The following INO80 variants were observed in gnomAD, a reference collection of about 807,000 sequenced individuals.
INO80 encodes chromatin-remodeling ATPase INO80.
A neutral mutation model predicts 203.4 loss-of-function variants in INO80; 20 were observed. The observed-to-expected ratio is 0.10, with a 90% CI of 0.07 to 0.14. The LOEUF (loss-of-function observed/expected upper bound fraction) is 0.14, where lower values mean the gene tolerates loss of function less well. Among genes scored for constraint, INO80 ranks in the 10% least tolerant of loss-of-function variants. The pLI, the probability that INO80 is intolerant of heterozygous loss-of-function variation, is 1.00. For missense variants in INO80, 1,419 were observed against 1,914.4 expected, an observed-to-expected ratio of 0.74 and a Z score of 4.83; for synonymous variants, 726 against 685.2, an observed-to-expected ratio of 1.06 and a Z score of -0.93.
intron 14 of INO80, among the ~76,000 whole-genome samples, chr15:41,067,908 A>AATTT (rs2045248238): frequency 6.6e-6 from 1 of 152,220 alleles, no homozygotes; most frequent in African/African-American, 2.4e-5. Flanking sequence ...TGCAAACAAT[A>AATTT]AATCCTATTC....
At chr15:41,009,836 G>C (rs974366620) in intron 27 of INO80, among the ~76,000 whole-genome samples, 3 of 152,108 alleles carry the variant, frequency 2.0e-5, no homozygotes, top group Non-Finnish European at 4.4e-5. Context: ...CTGGGCTCAA[G>C]TGATTCTCCT....
chr15:41,111,419 C>G (rs1338555405), intron 1 of INO80, among the ~76,000 whole-genome samples: 1 of 152,032 alleles, frequency 6.6e-6, no homozygotes, highest in Non-Finnish European at 1.5e-5. Flanking sequence ...GCACTCCAGC[C>G]TGGCGAGAGA....
chr15:41,085,593 A>C lies in INO80; in HGVS notation c.659-10T>G. 6.2e-7 allele frequency: 1 copy of C among 1,610,378 alleles called. No homozygotes were observed. The highest frequency in any genetic ancestry group is 1.1e-5 in the South Asian group (1 of 90,972). ...ACTTTTTTCAACTTAGCTGCAAAAG[A>C]AACAGATGCAACAGGTTGCACTTCC... On this transcript the variant is annotated splice_polypyrimidine_tract_variant and intron_variant, in intron 6 of 35. Coordinates refer to ENST00000648947, the MANE Select transcript of INO80 (RefSeq NM_017553.3).
At chr15:41,090,554 C>A (rs1353227264) in intron 5 of INO80, among the ~76,000 whole-genome samples, 1 of 151,878 alleles carries the variant, frequency 6.6e-6, no homozygotes, top group Non-Finnish European at 1.5e-5. Flanking sequence ...CCAGCCTGGG[C>A]AACAGAGCGA....
At chr15:41,100,382 G>C (rs890029099) in intron 1 of INO80, among the ~76,000 whole-genome samples, 1 of 152,048 alleles carries the variant, frequency 6.6e-6, no homozygotes, top group Non-Finnish European at 1.5e-5. Flanking sequence ...CCAATGAATG[G>C]AATATTTTCA....
In INO80 at chr15:41,032,769, G is replaced by A. The variant is rs1001293618; in HGVS notation, c.2908-5033C>T. 8.5e-5 allele frequency among the ~76,000 whole-genome samples: 13 copies of A among 152,130 alleles called. No homozygotes were observed. The East Asian group carries it at 2.5e-3, about 29-fold the overall frequency. On this transcript the variant is annotated intron_variant, in intron 24 of 35. Coordinates refer to ENST00000648947, the MANE Select transcript of INO80 (RefSeq NM_017553.3). ...ATATAAAATGTTCAGGCCAGGCGTG[G>A]TAGCTCATGCCTGTAATCCCAGCAC...
At chr15:41,029,127 T>TA (rs1278000946) in intron 24 of INO80, among the ~76,000 whole-genome samples, 3 of 152,246 alleles carry the variant, frequency 2.0e-5, no homozygotes, top group African/African-American at 7.2e-5. Context: ...CAAGGCAGTC[T>TA]AATTTATACA....
chr15:41,083,374 A>C (rs571617836), intron 7 of INO80, among the ~76,000 whole-genome samples: 31 of 152,188 alleles, frequency 2.0e-4, no homozygotes, highest in African/African-American at 4.6e-4. Flanking sequence ...CAGTAGCAAA[A>C]CACCACCATA....
At chr15:40,984,416 T>C in intron 32 of INO80, 64 bp from the exon 33 acceptor site, 1 of 1,491,994 alleles carries the variant, frequency 6.7e-7, no homozygotes, top group Non-Finnish European at 9.2e-7. Flanking sequence ...AAGCGGGATT[T>C]GGGAAGAAAA....
intron 6 of INO80, among the ~76,000 whole-genome samples, chr15:41,086,312 A>G (rs2045563847): frequency 6.6e-6 from 1 of 152,096 alleles, no homozygotes; most frequent in Non-Finnish European, 1.5e-5. Context: ...TAATAAAGAT[A>G]ATAGAGAAAG....
At chr15:41,096,946 A>AG (rs1476469450) in intron 1 of INO80, among the ~76,000 whole-genome samples, 4 of 152,264 alleles carry the variant, frequency 2.6e-5, no homozygotes, top group Admixed American at 2.6e-4. Context: ...AGTAAAAGTG[A>AG]GGGTGAGAAA....
chr15:41,052,674 C>CAA lies in INO80; in HGVS notation c.2274+1253_2274+1254dup, dbSNP rs60685375. On this transcript the variant is annotated intron_variant, in intron 19 of 35. Coordinates refer to ENST00000648947, the MANE Select transcript of INO80 (RefSeq NM_017553.3). ...GGTGACAGAGCGAGCCCTTGTCTTA[C>CAA]AAAAAAAAAAAAAAAAAAAAAAAAA... Among the ~76,000 whole-genome samples, 49 of 107,208 alleles carry CAA rather than the reference C, an allele frequency of 4.6e-4. 1 individual carries two copies. The highest frequency in any genetic ancestry group is 7.7e-4 in the Non-Finnish European group (39 of 50,358). The allele number at this position is 107,208 out of a possible 152,430, so 70.3% of individuals were successfully genotyped here. A position where few individuals can be genotyped will look rare whatever the true frequency, so the allele number is the denominator to read the frequency against.
chr15:40,980,029 C>T lies in INO80; in HGVS notation c.*194G>A, dbSNP rs985457871. 1 of 597,734 alleles carries T rather than the reference C, an allele frequency of 1.7e-6. No homozygotes were observed. The highest frequency in any genetic ancestry group is 3.0e-6 in the Non-Finnish European group (1 of 335,764). The allele number at this position is 597,734 out of a possible 1,614,324, so 37.0% of individuals were successfully genotyped here. A position where few individuals can be genotyped will look rare whatever the true frequency, so the allele number is the denominator to read the frequency against. On this transcript the variant is annotated 3_prime_UTR_variant, in exon 36 of 36. Coordinates refer to ENST00000648947, the MANE Select transcript of INO80 (RefSeq NM_017553.3). ...TGCCCTGTGGCCTTCCTCCTACAGGCACCCCAGATGCTCCTGATGAGACAC... is the reference window on the plus strand; with the variant it reads ...TGCCCTGTGGCCTTCCTCCTACAGGTACCCCAGATGCTCCTGATGAGACAC...
intron 25 of INO80, among the ~76,000 whole-genome samples, chr15:41,023,768 C>CAAAAAA (rs139814568): frequency 1.2e-3 from 75 of 61,920 alleles, no homozygotes; most frequent in Admixed American, 2.7e-3. Context: ...GACTCTGTCT[C>CAAAAAA]AAAAAAAAAA....
At position 41,071,984 on chromosome 15, in the gene INO80, C is replaced by T. The variant is rs750172224; in HGVS notation, c.1470G>A (p.Gly490=). The part of the protein sequence containing the change: ...ALRAANKSGT[G]FGESYSLANP... ...TAGCCAGGCTATAACTCTCCCCAAA[C>T]CCAGTGCCAGACTTGTTTGCTGCCC... is the stretch of plus-strand genomic sequence containing the variant. Residue 490 remains glycine (G), a synonymous_variant, in exon 12 of 36, where the codon GGG becomes GGA. Coordinates refer to ENST00000648947, the MANE Select transcript of INO80 (RefSeq NM_017553.3). 4 of 1,613,546 alleles carry T rather than the reference C, an allele frequency of 2.5e-6. No homozygotes were observed. The highest frequency in any genetic ancestry group is 1.7e-6 in the Non-Finnish European group (2 of 1,179,880).
At chr15:41,074,668 G>A (rs906311287) in intron 9 of INO80, 103 bp from the exon 10 acceptor site, 2 of 759,188 alleles carry the variant, frequency 2.6e-6, no homozygotes, top group Admixed American at 6.3e-5. Flanking sequence ...TTTACCAACT[G>A]TTTACTTTTA....
At chr15:41,012,056 AG>A (rs1206453286) in intron 27 of INO80, among the ~76,000 whole-genome samples, 1 of 152,230 alleles carries the variant, frequency 6.6e-6, no homozygotes, top group African/African-American at 2.4e-5. Flanking sequence ...CTACAAACTC[AG>A]TTGCTAGATG....
In INO80 at chr15:40,984,468, T is replaced by C. The variant is rs1347396219; in HGVS notation, c.3922-116A>G. On this transcript the variant is annotated intron_variant, in intron 32 of 35. Transcript: ENST00000648947. The stretch of plus-strand genomic sequence containing the variant: ...ATTCTTTAGTTTATAAACTTCTCAA[T>C]TAGCATATTTTTACGGAAGAAAAAC... 3 of 915,356 alleles carry C rather than the reference T, an allele frequency of 3.3e-6. No homozygotes were observed. In the African/African-American group the frequency reaches 5.0e-5, roughly 15 times the overall value. The allele number at this position is 915,356 out of a possible 1,614,324, so 56.7% of individuals were successfully genotyped here.
At chr15:41,042,762 C>T (rs545540392) in intron 24 of INO80, among the ~76,000 whole-genome samples, 1 of 152,190 alleles carries the variant, frequency 6.6e-6, no homozygotes, top group Non-Finnish European at 1.5e-5. Context: ...GTGTGAGCCA[C>T]CACGCCCGGC....
Sources: gnomAD v4.1 joint callset for allele counts (sites outside exome capture counted in the v4.1 genomes callset) on GRCh38, gnomAD v4.1.1 for gene constraint, MANE v1.5 for transcripts, NCBI Gene and HGNC (gene_info 2026-07-23, HGNC 2026-07-21) for gene names.